ARHGAP26: variants seen among roughly 807,000 people sequenced by gnomAD.
The protein encoded by ARHGAP26 is Rho GTPase activating protein 26, also known as rho GTPase-activating protein 26.
A neutral mutation model predicts 104.8 loss-of-function variants in ARHGAP26; 38 were observed. The ratio of observed to expected loss-of-function variants is 0.36; its 90% CI spans 0.28 to 0.48. The LOEUF is 0.48. ARHGAP26 is among the 20% of genes least tolerant of loss of function. The probability of loss-of-function intolerance (pLI) is 0.99; values close to 1 mark genes in which losing one functional copy is unlikely to be tolerated. For synonymous variants in ARHGAP26, 341 were observed against 340.0 expected (o/e 1.00, Z -0.03); for missense variants, 704 against 947.9 (o/e 0.74, Z 3.38).
At position 142,832,484 on chromosome 5, in the gene ARHGAP26, C is replaced by A. The variant is rs1768670688; in HGVS notation, c.155-40916C>A. Among the ~76,000 whole-genome samples, 2 of 152,238 alleles carry A rather than the reference C, an allele frequency of 1.3e-5. 1 individual carries two copies. The highest frequency in any genetic ancestry group is 4.8e-5 in the African/African-American group (2 of 41,464). On this transcript the variant is annotated intron_variant, in intron 1 of 22. Transcript: ENST00000645722. ...GCAGCAGGACCTGACCTTGCTGGCA[C>A]CCTCATCTTGTCTTCCAGCCTCCAG...
chr5:143,183,004 C>G (rs1454144770), intron 20 of ARHGAP26, among the ~76,000 whole-genome samples: 2 of 147,986 alleles, frequency 1.4e-5, no homozygotes, highest in African/African-American at 5.0e-5. Flanking sequence ...GAATGCAACA[C>G]GTTGACAATG....
intron 17 of ARHGAP26, among the ~76,000 whole-genome samples, chr5:143,071,889 A>G (rs922699473): frequency 6.6e-6 from 1 of 152,212 alleles, no homozygotes; most frequent in Non-Finnish European, 1.5e-5. Context: ...TGGGCAACAG[A>G]ACGAGACTCC....
At chr5:142,866,035 CTTTTTTT>C (rs67054994) in intron 1 of ARHGAP26, among the ~76,000 whole-genome samples, 15,163 of 144,138 alleles carry the variant, frequency 0.11, 909 homozygotes, top group East Asian at 0.28. Flanking sequence ...TTTCTTTTTT[CTTTTTTT>C]TTTTTTGGAA....
chr5:143,070,740 T>C (rs1788121573), intron 17 of ARHGAP26, among the ~76,000 whole-genome samples: 1 of 152,120 alleles, frequency 6.6e-6, no homozygotes, highest in Non-Finnish European at 1.5e-5. Flanking sequence ...TGAAGCTCCA[T>C]TTCTACTAAA....
Position 142,903,683 on chromosome 5 carries a change from C to T in ARHGAP26, c.832+14C>T, listed in dbSNP as rs773312558. The T allele has an allele frequency of 1.1e-5, 17 of 1,612,172 alleles. No homozygotes were observed. The East Asian group carries it at 3.6e-4, about 34-fold the overall frequency. On this transcript the variant is annotated intron_variant, in intron 8 of 22. Transcript: ENST00000645722. ...TGCAGGAGAAACGTGAGTGCTTTGA[C>T]TAGCAACAGCTTGGGATGTACTCAG...
intron 19 of ARHGAP26, among the ~76,000 whole-genome samples, chr5:143,144,470 A>G (rs1354948882): frequency 1.3e-5 from 2 of 152,138 alleles, no homozygotes; most frequent in Non-Finnish European, 2.9e-5. Context: ...CTTTGGCACC[A>G]TCATACCTCA....
intron 1 of ARHGAP26, among the ~76,000 whole-genome samples, chr5:142,855,974 G>A (rs1026549907): frequency 1.3e-5 from 2 of 152,246 alleles, no homozygotes; most frequent in African/African-American, 4.8e-5. Context: ...TTTAAGAGGT[G>A]TATAATCGCG....
chr5:143,218,867 G>A (rs762128638), intron 22 of ARHGAP26, among the ~76,000 whole-genome samples: 2 of 152,216 alleles, frequency 1.3e-5, no homozygotes, highest in African/African-American at 4.8e-5. Flanking sequence ...GGGATCAGAT[G>A]TCTTGGTCTC....
chr5:143,133,544 A>T (rs10515519), intron 18 of ARHGAP26, among the ~76,000 whole-genome samples: 2,600 of 152,312 alleles, frequency 0.017, 35 homozygotes, highest in Admixed American at 0.026. Flanking sequence ...GAAAGTTGTG[A>T]AGTAATTGTT....
chr5:142,794,582 T>C (rs1760578514), intron 1 of ARHGAP26, among the ~76,000 whole-genome samples: 3 of 152,102 alleles, frequency 2.0e-5, no homozygotes, highest in African/African-American at 7.2e-5. Flanking sequence ...TGAGATACTT[T>C]TAGTATTTTA....
intron 1 of ARHGAP26, among the ~76,000 whole-genome samples, chr5:142,844,490 G>A (rs923003944): frequency 4.0e-5 from 6 of 151,494 alleles, no homozygotes; most frequent in South Asian, 2.1e-4. Context: ...CCAAGAAAAA[G>A]CCTCTTTACC....
intron 17 of ARHGAP26, among the ~76,000 whole-genome samples, chr5:143,087,714 C>T (rs1285882649): frequency 4.0e-5 from 5 of 126,052 alleles, no homozygotes; most frequent in African/African-American, 8.7e-5. Context: ...GGTGCGATCT[C>T]GGCTCACCGT....
In ARHGAP26 at chr5:143,224,107, C is replaced by G. The variant is rs1197163774; in HGVS notation, c.*1661C>G. The stretch of plus-strand genomic sequence containing the variant: ...TTGTGTTGAATTACTGTATCTTTTA[C>G]TTTTTTTTTTTTGAAAAGATAAACT... On this transcript the variant is annotated 3_prime_UTR_variant, in exon 23 of 23. Transcript: ENST00000645722. 3 of 209,780 alleles carry G rather than the reference C, an allele frequency of 1.4e-5. No homozygotes were observed. The highest frequency in any genetic ancestry group is 6.9e-5 in the African/African-American group (3 of 43,556). 13.0% of individuals were successfully genotyped at this position (209,780 alleles called of 1,614,324 possible). A position where few individuals can be genotyped will look rare whatever the true frequency, so the allele number is the denominator to read the frequency against.
intron 17 of ARHGAP26, among the ~76,000 whole-genome samples, chr5:143,107,209 T>C (rs965748646): frequency 6.6e-6 from 1 of 151,936 alleles, no homozygotes; most frequent in Non-Finnish European, 1.5e-5. Flanking sequence ...AAGGCCAGGG[T>C]AGTTAGAGCT....
At chr5:143,147,138 C>T in intron 19 of ARHGAP26, 93 bp from the exon 20 acceptor site, 1 of 1,365,034 alleles carries the variant, frequency 7.3e-7, no homozygotes. Flanking sequence ...AGATCTTGAT[C>T]CAGTCTTATT....
intron 11 of ARHGAP26, among the ~76,000 whole-genome samples, chr5:142,983,019 G>A (rs1774175181): frequency 6.6e-6 from 1 of 152,130 alleles, no homozygotes; most frequent in African/African-American, 2.4e-5. Context: ...GAGCTGCCTG[G>A]GATTGCTGTG....
chr5:142,914,994 G>C (rs188261116), intron 10 of ARHGAP26, among the ~76,000 whole-genome samples: 1 of 152,294 alleles, frequency 6.6e-6, no homozygotes, highest in East Asian at 1.9e-4. Context: ...GCTTTGTGTT[G>C]CAGCTCTCTG....
intron 10 of ARHGAP26, among the ~76,000 whole-genome samples, chr5:142,927,523 T>G (rs1764085814): frequency 6.6e-6 from 1 of 152,208 alleles, no homozygotes; most frequent in South Asian, 2.1e-4. Context: ...TTAAAAAAAT[T>G]GTTGTATGGT....
chr5:142,963,181 T>TATATATATATATATATATATAC (rs1770611070), intron 11 of ARHGAP26, among the ~76,000 whole-genome samples: 2 of 111,568 alleles, frequency 1.8e-5, no homozygotes, highest in Admixed American at 8.5e-5. Context: ...TGTATATATA[T>TATATATATATATATATATATAC]ATATATATAT....
Sources: gnomAD v4.1 joint callset for allele counts (sites outside exome capture counted in the v4.1 genomes callset) on GRCh38, gnomAD v4.1.1 for gene constraint, MANE v1.5 for transcripts, NCBI Gene and HGNC (gene_info 2026-07-23, HGNC 2026-07-21) for gene names.